The following AXDND1 variants were observed in gnomAD, a reference collection of about 807,000 sequenced individuals.
AXDND1 encodes axonemal dynein light chain domain-containing protein 1.
In AXDND1, 110 loss-of-function variants were observed where a neutral mutation model predicts 137.5. That is an observed-to-expected ratio of 0.80 (90% CI 0.69 to 0.94). The LOEUF (loss-of-function observed/expected upper bound fraction) is 0.94. AXDND1 is among the 40% of genes least tolerant of loss of function. AXDND1 has a pLI of 0.00. For missense variants in AXDND1, 1,191 were observed against 1,169.8 expected (o/e 1.02, Z -0.26); for synonymous variants, 414 against 399.7 (o/e 1.04, Z -0.43).
intron 16 of AXDND1, among the ~76,000 whole-genome samples, chr1:179,459,129 C>T (rs186297774): frequency 6.6e-6 from 1 of 152,060 alleles, no homozygotes; most frequent in African/African-American, 2.4e-5. Context: ...AAAATACTTC[C>T]AAGCCATTAG....
At chr1:179,441,590 G>C (rs1274792297) in intron 15 of AXDND1, among the ~76,000 whole-genome samples, 1 of 152,200 alleles carries the variant, frequency 6.6e-6, no homozygotes, top group Non-Finnish European at 1.5e-5. Flanking sequence ...ACGCTTCACT[G>C]CCTCTTGTAA....
intron 16 of AXDND1, among the ~76,000 whole-genome samples, chr1:179,467,887 A>G (rs1244970143): frequency 6.6e-6 from 1 of 152,216 alleles, no homozygotes; most frequent in Non-Finnish European, 1.5e-5. Context: ...AATAAATAAG[A>G]AAAAGAGGGT....
In AXDND1 at chr1:179,526,552, C is replaced by A. The variant is rs147485300; in HGVS notation, c.2610+1105C>A. Among the ~76,000 whole-genome samples the A allele has an allele frequency of 1.9e-3, 297 of 152,332 alleles. 1 individual carries two copies. The highest frequency in any genetic ancestry group is 6.3e-3 in the African/African-American group (263 of 41,582). On this transcript the variant is annotated intron_variant, in intron 22 of 25. Coordinates refer to ENST00000367618, the MANE Select transcript of AXDND1 (RefSeq NM_144696.6). ...CTTCCTAGAACTCATGATTGCCTAA[C>A]ACTCTCTACAATGTCTTGATTTACT...
intron 12 of AXDND1, among the ~76,000 whole-genome samples, chr1:179,417,729 T>TA (rs547068763): frequency 0.011 from 1,623 of 150,310 alleles, 31 homozygotes; most frequent in Admixed American, 0.048. Flanking sequence ...TTTTAGGATT[T>TA]AAAAAAAAAA....
intron 25 of AXDND1, chr1:179,550,983 T>C: frequency 7.4e-6 from 5 of 675,742 alleles, no homozygotes; most frequent in Non-Finnish European, 1.3e-5. Context: ...CGGAAACATG[T>C]TGTCTGCCTT....
intron 25 of AXDND1, among the ~76,000 whole-genome samples, chr1:179,537,692 A>G (rs1311914512): frequency 6.6e-6 from 1 of 152,138 alleles, no homozygotes; most frequent in Non-Finnish European, 1.5e-5. Flanking sequence ...TGGTATCAGG[A>G]TGATGCTGGC....
intron 16 of AXDND1, chr1:179,448,334 C>T (rs1371428543): frequency 1.4e-6 from 1 of 731,440 alleles, no homozygotes; most frequent in Non-Finnish European, 2.5e-6. Flanking sequence ...ATAGAGCACA[C>T]TAAGTTCATA....
At chr1:179,488,990 C>T (rs1666527709) in intron 18 of AXDND1, among the ~76,000 whole-genome samples, 1 of 147,338 alleles carries the variant, frequency 6.8e-6, no homozygotes, top group African/African-American at 2.6e-5. Context: ...GTCTCGGCCT[C>T]CCAAAGTGCT....
chr1:179,531,594 G>T (rs1301081808), intron 23 of AXDND1, among the ~76,000 whole-genome samples: 1 of 152,124 alleles, frequency 6.6e-6, no homozygotes, highest in South Asian at 2.1e-4. Flanking sequence ...TGCTATTCTA[G>T]TAGGGGACGA....
At chr1:179,549,999 G>T (rs1310407492) in intron 25 of AXDND1, among the ~76,000 whole-genome samples, 3 of 152,000 alleles carry the variant, frequency 2.0e-5, no homozygotes, top group Non-Finnish European at 4.4e-5. Flanking sequence ...ATACTCCTGG[G>T]TCTGGTAGAT....
intron 16 of AXDND1, among the ~76,000 whole-genome samples, chr1:179,446,717 T>G (rs140110919): frequency 4.6e-5 from 7 of 152,326 alleles, no homozygotes; most frequent in Middle Eastern, 3.4e-3. Context: ...ATTATTGAGT[T>G]ATAAGACTGC....
intron 21 of AXDND1, among the ~76,000 whole-genome samples, chr1:179,522,452 G>A (rs971483037): frequency 3.9e-5 from 6 of 152,082 alleles, no homozygotes; most frequent in African/African-American, 7.2e-5. Context: ...ATCTGTATAA[G>A]AATGTTTATT....
chr1:179,371,415 G>A (rs1390716241), intron 4 of AXDND1, among the ~76,000 whole-genome samples: 2 of 152,082 alleles, frequency 1.3e-5, no homozygotes, highest in Non-Finnish European at 2.9e-5. Context: ...GCGACCCAGC[G>A]AGACTCCCTC....
chr1:179,461,686 T>C (rs1348113591), intron 16 of AXDND1, among the ~76,000 whole-genome samples: 1 of 152,212 alleles, frequency 6.6e-6, no homozygotes, highest in East Asian at 1.9e-4. Flanking sequence ...TCCATGAACA[T>C]GGAGTGTTCT....
intron 15 of AXDND1, among the ~76,000 whole-genome samples, chr1:179,439,135 C>T (rs1658626213): frequency 6.6e-6 from 1 of 152,088 alleles, no homozygotes. Flanking sequence ...CTCCAGTTAC[C>T]ATAGATTGTT....
At chr1:179,518,681 C>T (rs185055180) in intron 21 of AXDND1, among the ~76,000 whole-genome samples, 4 of 152,202 alleles carry the variant, frequency 2.6e-5, no homozygotes, top group Admixed American at 6.5e-5. Flanking sequence ...AGAATAATGG[C>T]CTCTAGCTCC....
At chr1:179,520,331 C>T (rs1388550469) in intron 21 of AXDND1, among the ~76,000 whole-genome samples, 1 of 152,198 alleles carries the variant, frequency 6.6e-6, no homozygotes, top group Non-Finnish European at 1.5e-5. Context: ...CATCTGCAAA[C>T]AGGGATAGTT....
chr1:179,543,394 A>T (rs1672345870), intron 25 of AXDND1: 1 of 152,182 alleles, frequency 6.6e-6, no homozygotes. Flanking sequence ...TGCAAATAGT[A>T]ATACAAAGGC....
intron 6 of AXDND1, among the ~76,000 whole-genome samples, chr1:179,381,027 T>G (rs994961140): frequency 3.6e-4 from 53 of 147,478 alleles, no homozygotes; most frequent in Non-Finnish European, 6.7e-4. Context: ...ATAGATCTTT[T>G]GGTGACTTTT....
Sources: allele counts gnomAD v4.1 joint callset (sites outside exome capture counted in the v4.1 genomes callset), GRCh38; gene constraint gnomAD v4.1.1; transcripts MANE v1.5; gene names NCBI Gene and HGNC (gene_info 2026-07-23, HGNC 2026-07-21).